ATP10B: variants seen among roughly 807,000 people sequenced by gnomAD.
ATP10B encodes ATPase phospholipid transporting 10B (putative), also known as phospholipid-transporting ATPase VB.
A neutral mutation model predicts 141.2 loss-of-function variants in ATP10B; 122 were observed. That is an observed-to-expected ratio of 0.86 (90% CI 0.75 to 1.00). The LOEUF is 1.00. Ranked by LOEUF, ATP10B falls within the 50% of genes least tolerant of loss-of-function variation. The pLI is 0.00. For missense variants in ATP10B, 1,876 were observed against 1,825.3 expected, an observed-to-expected ratio of 1.03 and a Z score of -0.51; for synonymous variants, 685 against 692.0, an observed-to-expected ratio of 0.99 and a Z score of 0.16.
At chr5:160,625,665 G>A (rs954023356) in intron 13 of ATP10B, among the ~76,000 whole-genome samples, 2 of 152,160 alleles carry the variant, frequency 1.3e-5, no homozygotes, top group Non-Finnish European at 2.9e-5. Context: ...TATGCATTAT[G>A]TATTTCCAAA....
chr5:160,649,541 T>TAG (rs1488486240), intron 7 of ATP10B, among the ~76,000 whole-genome samples: 1 of 152,216 alleles, frequency 6.6e-6, no homozygotes, highest in African/African-American at 2.4e-5. Context: ...TAATAGAACT[T>TAG]ACTGCAATGA....
At chr5:160,565,970 T>G in intron 25 of ATP10B, 70 bp from the exon 26 acceptor site, 1 of 1,434,436 alleles carries the variant, frequency 7.0e-7, no homozygotes, top group South Asian at 1.4e-5. Context: ...CATTAAAAGA[T>G]AGTCTTTAGA....
chr5:160,634,352 A>G lies in ATP10B; in HGVS notation c.1381+2T>C. On this transcript the variant is annotated splice_donor_variant, in intron 12 of 25. Transcript: ENST00000327245. LOFTEE classifies it high-confidence loss of function. ...GGATGGAGCCCTTGGGAGCTTCTATACCATTTTCTTGGTGAGAATACTCGC... is the reference window on the plus strand; with the variant it reads ...GGATGGAGCCCTTGGGAGCTTCTATGCCATTTTCTTGGTGAGAATACTCGC... The G allele has an allele frequency of 6.2e-7, 1 of 1,614,100 alleles. No individual in the cohort carries two copies.
intron 2 of ATP10B, among the ~76,000 whole-genome samples, chr5:160,783,278 C>G (rs1212523253): frequency 6.6e-6 from 1 of 151,486 alleles, no homozygotes; most frequent in Non-Finnish European, 1.5e-5. Flanking sequence ...GTTTGGTTTC[C>G]AATTCCTGAG....
chr5:160,803,179 T>C (rs1313540370), intron 1 of ATP10B, among the ~76,000 whole-genome samples: 1 of 152,202 alleles, frequency 6.6e-6, no homozygotes, highest in African/African-American at 2.4e-5. Context: ...TTTTTCCTTT[T>C]TGTTGAAGGA....
chr5:160,849,096 G>A (rs748879071), intron 1 of ATP10B, among the ~76,000 whole-genome samples: 14 of 152,066 alleles, frequency 9.2e-5, no homozygotes, highest in East Asian at 1.9e-4. Context: ...TGATACAGCC[G>A]GCCCAGGAAG....
intron 6 of ATP10B, among the ~76,000 whole-genome samples, 162 bp from the exon 7 acceptor site, chr5:160,670,829 C>T (rs1473313981): frequency 2.0e-5 from 3 of 152,092 alleles, no homozygotes; most frequent in African/African-American, 7.2e-5. Flanking sequence ...ACCTCATAAT[C>T]TCTCTAGAAT....
intron 10 of ATP10B, among the ~76,000 whole-genome samples, chr5:160,640,027 G>A (rs1193710072): frequency 2.0e-5 from 3 of 152,218 alleles, no homozygotes; most frequent in South Asian, 4.1e-4. Context: ...GATCTGACAG[G>A]AGGTACTGGC....
At chr5:160,673,411 T>C (rs1048628781) in intron 6 of ATP10B, among the ~76,000 whole-genome samples, 3 of 152,202 alleles carry the variant, frequency 2.0e-5, no homozygotes, top group African/African-American at 7.2e-5. Context: ...CATTTATCCT[T>C]TGTGTTACAA....
At chr5:160,620,021 TA>T (rs2127647619) in intron 15 of ATP10B, among the ~76,000 whole-genome samples, 1 of 152,330 alleles carries the variant, frequency 6.6e-6, no homozygotes, top group East Asian at 1.9e-4. Flanking sequence ...CATGGTAAGA[TA>T]ATGGATGTTC....
intron 3 of ATP10B, among the ~76,000 whole-genome samples, chr5:160,707,137 G>C (rs928311603): frequency 2.0e-5 from 3 of 152,104 alleles, no homozygotes; most frequent in Non-Finnish European, 4.4e-5. Flanking sequence ...TTTTAGTAGA[G>C]ATGGGGTTTC....
chr5:160,905,628 G>T, the ATP10B span, among the ~76,000 whole-genome samples: 1 of 152,088 alleles, frequency 6.6e-6, no homozygotes, highest in African/African-American at 2.4e-5. Flanking sequence ...TGGGCTTGTT[G>T]TAATAAGTAA....
At chr5:160,727,554 C>T (rs1393937008) in intron 2 of ATP10B, among the ~76,000 whole-genome samples, 1 of 152,126 alleles carries the variant, frequency 6.6e-6, no homozygotes, top group Non-Finnish European at 1.5e-5. Flanking sequence ...AGGGTGTTTT[C>T]ATTTTTATTT....
In ATP10B at chr5:160,653,505, T is replaced by C. The variant is rs1295814; in HGVS notation, c.676-4249A>G. The stretch of plus-strand genomic sequence containing the variant: ...GGTAGTATATATACATATGTACATA[T>C]ATACATAGGTAGTATATATACATAT... On this transcript the variant is annotated intron_variant, in intron 7 of 25. Coordinates refer to ENST00000327245, the MANE Select transcript of ATP10B (RefSeq NM_025153.3). 3.5e-4 allele frequency among the ~76,000 whole-genome samples: 40 copies of C among 114,868 alleles called. 4 individuals carry two copies. Among genetic ancestry groups the C allele is most frequent in the Admixed American group, 2.2e-3 (21 of 9,588 alleles). The allele number at this position is 114,868 out of a possible 152,430, so 75.4% of individuals were successfully genotyped here.
At chr5:160,780,075 A>G (rs916989342) in intron 2 of ATP10B, among the ~76,000 whole-genome samples, 1 of 152,176 alleles carries the variant, frequency 6.6e-6, no homozygotes, top group African/African-American at 2.4e-5. Context: ...ATGGGAGACA[A>G]ATTCTTTCAT....
At chr5:160,675,474 A>G (rs987318934) in intron 6 of ATP10B, among the ~76,000 whole-genome samples, 1 of 152,190 alleles carries the variant, frequency 6.6e-6, no homozygotes, top group East Asian at 1.9e-4. Context: ...TGAAAGGCGA[A>G]ATAGAGGGAG....
At chr5:160,624,751 A>G (rs1345666565) in intron 13 of ATP10B, among the ~76,000 whole-genome samples, 1 of 152,246 alleles carries the variant, frequency 6.6e-6, no homozygotes, top group East Asian at 1.9e-4. Context: ...CGACTTAACT[A>G]AAACCCATAG....
At chr5:160,585,536 G>A (rs527697688) in intron 24 of ATP10B, among the ~76,000 whole-genome samples, 37 of 152,338 alleles carry the variant, frequency 2.4e-4, no homozygotes, top group Admixed American at 1.2e-3. Flanking sequence ...CCAGGAGGCG[G>A]AGGTGCAATG....
intron 1 of ATP10B, among the ~76,000 whole-genome samples, chr5:160,790,023 G>A (rs571114348): frequency 2.6e-5 from 4 of 152,196 alleles, no homozygotes; most frequent in South Asian, 4.1e-4. Context: ...ACCTAACACT[G>A]AAGCGCTTCC....
Sources: allele counts gnomAD v4.1 joint callset (sites outside exome capture counted in the v4.1 genomes callset), GRCh38; gene constraint gnomAD v4.1.1; transcripts MANE v1.5; gene names NCBI Gene and HGNC (gene_info 2026-07-23, HGNC 2026-07-21).